Variants in MAP2K6 observed in about 807,000 individuals in gnomAD.
The protein encoded by MAP2K6 is dual specificity mitogen-activated protein kinase kinase 6.
MAP2K6 carries 16 observed loss-of-function variants against 53.7 expected under a neutral mutation model. The ratio of observed to expected loss-of-function variants is 0.30; its 90% CI spans 0.20 to 0.45. MAP2K6 has a LOEUF of 0.45. Among genes scored for constraint, MAP2K6 ranks in the 20% least tolerant of loss-of-function variants. The probability of loss-of-function intolerance (pLI) is 1.00; values close to 1 mark genes in which losing one functional copy is unlikely to be tolerated. For synonymous variants in MAP2K6, 132 were observed against 143.1 expected (o/e 0.92, Z 0.55); for missense variants, 204 against 411.9 (o/e 0.50, Z 4.37).
At chr17:69,415,046 A>T (rs376609618) in intron 1 of MAP2K6, 46 bp downstream of exon 1, 2 of 1,512,598 alleles carry the variant, frequency 1.3e-6, no homozygotes, top group Non-Finnish European at 9.2e-7. Flanking sequence ...AGGGTTGTGC[A>T]TGCATTTATG....
intron 1 of MAP2K6, among the ~76,000 whole-genome samples, chr17:69,489,810 C>T (rs1045457135): frequency 1.1e-4 from 17 of 152,288 alleles, no homozygotes; most frequent in South Asian, 6.2e-4. Flanking sequence ...TTGGGCATCA[C>T]GAACCCTTAG....
chr17:69,517,466 T>G, intron 3 of MAP2K6, 34 bp from the exon 4 acceptor site: 1 of 1,239,588 alleles, frequency 8.1e-7, no homozygotes, highest in Non-Finnish European at 1.2e-6. Context: ...TATTTTTCTC[T>G]TTCCCATTGC....
intron 1 of MAP2K6, chr17:69,501,687 G>T (rs887177236): frequency 3.3e-5 from 5 of 152,156 alleles, no homozygotes; most frequent in African/African-American, 1.2e-4. Flanking sequence ...CAATCAGGCC[G>T]ACGAGGCTTA....
intron 1 of MAP2K6, among the ~76,000 whole-genome samples, chr17:69,449,870 C>T (rs1297120768): frequency 6.6e-6 from 1 of 151,692 alleles, no homozygotes; most frequent in Non-Finnish European, 1.5e-5. Flanking sequence ...GCCTCGGCTT[C>T]CCAAAGTGCT....
chr17:69,420,811 A>C (rs1398831742), intron 1 of MAP2K6, among the ~76,000 whole-genome samples: 1 of 152,130 alleles, frequency 6.6e-6, no homozygotes, highest in Non-Finnish European at 1.5e-5. Flanking sequence ...GCAGTCTGGC[A>C]AGGGGGAGCT....
intron 10 of MAP2K6, among the ~76,000 whole-genome samples, chr17:69,532,377 T>C (rs947407201): frequency 7.2e-5 from 11 of 152,194 alleles, no homozygotes; most frequent in Non-Finnish European, 1.5e-4. Context: ...CTAGCAATTC[T>C]CAAGACAGCA....
At chr17:69,487,375 TG>T (rs1908582387) in intron 1 of MAP2K6, among the ~76,000 whole-genome samples, 1 of 152,224 alleles carries the variant, frequency 6.6e-6, no homozygotes, top group African/African-American at 2.4e-5. Flanking sequence ...AAGCAATTCG[TG>T]TGAAATGCTG....
At position 69,550,974 on chromosome 17, in the gene MAP2K6, T is replaced by C. The variant is rs1912073805; in HGVS notation, c.*9221T>C. On this transcript the variant is annotated 3_prime_UTR_variant, in exon 12 of 12. Coordinates refer to ENST00000590474, the MANE Select transcript of MAP2K6 (RefSeq NM_002758.4). Reference sequence around the variant, plus strand: ...ATAGGTGGCCAGAAGACAGGGTCATTTAATTTTAATTGAGCATAAATCATT... The same window carrying C: ...ATAGGTGGCCAGAAGACAGGGTCATCTAATTTTAATTGAGCATAAATCATT... 6.6e-6 allele frequency: 1 copy of C among 152,198 alleles called. No homozygotes were observed. The highest frequency in any genetic ancestry group is 2.1e-4 in the South Asian group (1 of 4,830). 9.4% of individuals were successfully genotyped at this position (152,198 alleles called of 1,614,324 possible). A position where few individuals can be genotyped will look rare whatever the true frequency, so the allele number is the denominator to read the frequency against.
intron 1 of MAP2K6, among the ~76,000 whole-genome samples, chr17:69,460,944 G>GAATA (rs1283474095): frequency 6.6e-6 from 1 of 152,190 alleles, no homozygotes; most frequent in African/African-American, 2.4e-5. Flanking sequence ...GAAACCTGGA[G>GAATA]AATAGGTTGC....
At chr17:69,519,587 A>G (rs899138696) in intron 5 of MAP2K6, 155 bp downstream of exon 5, 1 of 798,250 alleles carries the variant, frequency 1.3e-6, no homozygotes, top group Non-Finnish European at 2.0e-6. Flanking sequence ...CATGCCCTGG[A>G]GCAAGGTTGG....
intron 6 of MAP2K6, 32 bp from the exon 7 acceptor site, chr17:69,521,017 A>G (rs1408263844): frequency 6.5e-7 from 1 of 1,534,740 alleles, no homozygotes; most frequent in African/African-American, 1.4e-5. Context: ...CAGCAATGTG[A>G]TAAATAAATC....
Position 69,534,978 on chromosome 17 carries a change from CT to C in MAP2K6, c.882-1125del, listed in dbSNP as rs561587561. On this transcript the variant is annotated intron_variant, in intron 10 of 11. Coordinates refer to ENST00000590474, the MANE Select transcript of MAP2K6 (RefSeq NM_002758.4). Reference sequence around the variant, plus strand: ...TCTTTTCTTTTCTTTCTTTCTTTTTCTTTTTTTTTTTTCATTTTAAGGCCAG... The same window carrying C: ...TCTTTTCTTTTCTTTCTTTCTTTTTCTTTTTTTTTTTCATTTTAAGGCCAG... Among the ~76,000 whole-genome samples the C allele has an allele frequency of 8.1e-4, 115 of 142,046 alleles. 1 individual carries two copies. The highest frequency in any genetic ancestry group is 3.6e-3 in the Middle Eastern group (1 of 276). The allele number at this position is 142,046 out of a possible 152,430, so 93.2% of individuals were successfully genotyped here.
chr17:69,429,060 A>T (rs73363573), intron 1 of MAP2K6, among the ~76,000 whole-genome samples: 1 of 152,000 alleles, frequency 6.6e-6, no homozygotes, highest in African/African-American at 2.4e-5. Flanking sequence ...GTACAGATAC[A>T]GGGACAGGAC....
At chr17:69,476,695 T>G (rs1908162349) in intron 1 of MAP2K6, among the ~76,000 whole-genome samples, 1 of 152,150 alleles carries the variant, frequency 6.6e-6, no homozygotes, top group Non-Finnish European at 1.5e-5. Context: ...AAGCATGAAT[T>G]TCTATCTCCC....
intron 1 of MAP2K6, among the ~76,000 whole-genome samples, chr17:69,480,066 T>C (rs961411825): frequency 1.3e-5 from 2 of 152,202 alleles, no homozygotes; most frequent in African/African-American, 4.8e-5. Context: ...ATTAATCTGA[T>C]ATTCCCAGGT....
chr17:69,472,699 G>C (rs1379267343), intron 1 of MAP2K6, among the ~76,000 whole-genome samples: 1 of 152,074 alleles, frequency 6.6e-6, no homozygotes, highest in Non-Finnish European at 1.5e-5. Context: ...TATCTTACTT[G>C]TTTTATTCTT....
In MAP2K6 at chr17:69,494,392, G is replaced by A. The variant is rs953340776; in HGVS notation, c.17-11388G>A. Among the ~76,000 whole-genome samples, 3 of 152,082 alleles carry A rather than the reference G, an allele frequency of 2.0e-5. No individual in the cohort carries two copies. Among genetic ancestry groups the A allele is most frequent in the African/African-American group, 7.2e-5 (3 of 41,394 alleles). On this transcript the variant is annotated intron_variant, in intron 1 of 11. Coordinates refer to ENST00000590474, the MANE Select transcript of MAP2K6 (RefSeq NM_002758.4). The surrounding 1 kb of genome is among the most constrained non-coding windows in gnomAD (Gnocchi z 4.2). ...ACATGCCTGTAATCTCAGCTACTTGGGAGGCTGGGGCATGAAAATCGCTTG... is the reference window on the plus strand; with the variant it reads ...ACATGCCTGTAATCTCAGCTACTTGAGAGGCTGGGGCATGAAAATCGCTTG...
At chr17:69,520,844 C>T (rs1199111047) in intron 6 of MAP2K6, 4 of 478,620 alleles carry the variant, frequency 8.4e-6, no homozygotes, top group Non-Finnish European at 1.5e-5. Flanking sequence ...GGGAGACATC[C>T]TCTCTGATAT....
intron 11 of MAP2K6, among the ~76,000 whole-genome samples, chr17:69,539,534 T>C (rs993787407): frequency 6.6e-6 from 1 of 152,142 alleles, no homozygotes; most frequent in African/African-American, 2.4e-5. Flanking sequence ...CTACCCGTTT[T>C]CCCCTCCCCC....
Sources: gnomAD v4.1 joint callset for allele counts (sites outside exome capture counted in the v4.1 genomes callset) on GRCh38, gnomAD v4.1.1 for gene constraint, Gnocchi (gnomAD v3.1) non-coding constraint, MANE v1.5 for transcripts, NCBI Gene and HGNC (gene_info 2026-07-23, HGNC 2026-07-21) for gene names.